TRPM3: variants seen among roughly 807,000 people sequenced by gnomAD.
The protein encoded by TRPM3 is transient receptor potential cation channel subfamily M member 3.
In TRPM3, 77 loss-of-function variants were observed where a neutral mutation model predicts 181.2. The ratio of observed to expected loss-of-function variants is 0.42; its 90% CI spans 0.35 to 0.51. The LOEUF (loss-of-function observed/expected upper bound fraction) is 0.51, where lower values mean the gene tolerates loss of function less well. Ranked by LOEUF, TRPM3 falls within the 20% of genes least tolerant of loss-of-function variation. The pLI, the probability that TRPM3 is intolerant of heterozygous loss-of-function variation, is 0.01. For synonymous variants in TRPM3, 745 were observed against 796.4 expected (o/e 0.94, Z 1.09); for missense variants, 1,759 against 2,196.7 (o/e 0.80, Z 3.98).
chr9:71,006,259 G>A (rs1392977852), intron 1 of TRPM3, among the ~76,000 whole-genome samples: 1 of 151,688 alleles, frequency 6.6e-6, no homozygotes, highest in Non-Finnish European at 1.5e-5. Flanking sequence ...TCAGAAAATG[G>A]TAAAATAGGA....
chr9:71,026,277 C>T (rs1408912151), intron 1 of TRPM3, among the ~76,000 whole-genome samples: 1 of 152,130 alleles, frequency 6.6e-6, no homozygotes, highest in Non-Finnish European at 1.5e-5. Flanking sequence ...CCTGAGCGCC[C>T]CTCCATCTGC....
intron 6 of TRPM3, among the ~76,000 whole-genome samples, chr9:70,806,978 C>T (rs1237742243): frequency 6.6e-6 from 1 of 152,160 alleles, no homozygotes; most frequent in Non-Finnish European, 1.5e-5. Context: ...AAAATCTCAG[C>T]TCACTTTTCT....
chr9:71,405,287 G>T (rs943662683), intron 1 of TRPM3, among the ~76,000 whole-genome samples: 29 of 152,244 alleles, frequency 1.9e-4, no homozygotes, highest in South Asian at 4.1e-4. Flanking sequence ...ATACAGCAAA[G>T]TGCAAAATGC....
At chr9:71,258,683 T>C (rs538081085) in intron 1 of TRPM3, among the ~76,000 whole-genome samples, 100 of 152,348 alleles carry the variant, frequency 6.6e-4, no homozygotes, top group African/African-American at 2.3e-3. Flanking sequence ...CAGTGGGTAC[T>C]ATGATCATTG....
intron 1 of TRPM3, among the ~76,000 whole-genome samples, chr9:70,942,262 T>C (rs2133570590): frequency 6.6e-6 from 1 of 152,332 alleles, no homozygotes; most frequent in East Asian, 1.9e-4. Context: ...AACAAACAGT[T>C]AGGTATGTAC....
intron 1 of TRPM3, among the ~76,000 whole-genome samples, chr9:71,211,332 C>T (rs2079486105): frequency 6.7e-6 from 1 of 150,258 alleles, no homozygotes; most frequent in Admixed American, 6.7e-5. Flanking sequence ...TTCTTTCTTT[C>T]ATTTGTTACT....
intron 1 of TRPM3, among the ~76,000 whole-genome samples, chr9:71,199,981 A>T (rs2078670354): frequency 6.6e-6 from 1 of 152,016 alleles, no homozygotes; most frequent in African/African-American, 2.4e-5. Flanking sequence ...TCAATTTTGG[A>T]TGTTTCCTGC....
rs112967274 is a variant in TRPM3, at chr9:71,152,110, G to A, written c.184-287599C>T. On this transcript the variant is annotated intron_variant, in intron 1 of 24. Coordinates refer to the TRPM3 transcript ENST00000357533. ...ATGTTATAAATAACCAGAAGTGCAC[G>A]TCCTTAATCACATATAAAACTGTGA... Among the ~76,000 whole-genome samples the A allele has an allele frequency of 2.1e-4, 32 of 152,198 alleles. 2 individuals are homozygous for A. Among genetic ancestry groups the A allele is most frequent in the South Asian group, 1.3e-3 (6 of 4,800 alleles).
chr9:70,826,382 T>G (rs1263004922), intron 6 of TRPM3: 1 of 152,230 alleles, frequency 6.6e-6, no homozygotes, highest in Non-Finnish European at 1.5e-5. Flanking sequence ...GATGTTCACC[T>G]TGGGATAATA....
chr9:71,187,650 C>T (rs1565318133), intron 1 of TRPM3, among the ~76,000 whole-genome samples: 2 of 151,898 alleles, frequency 1.3e-5, no homozygotes, highest in Non-Finnish European at 2.9e-5. Flanking sequence ...AAACTATACA[C>T]TCTTTATAAA....
At chr9:71,125,406 CT>C (rs1353566073), upstream of TRPM3, among the ~76,000 whole-genome samples, 2 of 152,058 alleles carry the variant, frequency 1.3e-5, no homozygotes, top group African/African-American at 4.8e-5. Flanking sequence ...TCCATGTGTT[CT>C]CATTGTTTAG....
chr9:71,329,859 A>T (rs2089985490), intron 1 of TRPM3, among the ~76,000 whole-genome samples: 1 of 152,210 alleles, frequency 6.6e-6, no homozygotes, highest in Non-Finnish European at 1.5e-5. Context: ...CTGCTATGTG[A>T]GAGCATCCAA....
At chr9:70,583,001 T>G (rs975486778) in intron 22 of TRPM3, among the ~76,000 whole-genome samples, 3 of 152,216 alleles carry the variant, frequency 2.0e-5, no homozygotes, top group African/African-American at 7.2e-5. Context: ...TGTGGTGGAA[T>G]AGTATGTAGA....
chr9:71,080,171 A>AAAATAAATAAATAAATAAATAAATAAAT (rs71367253), intron 1 of TRPM3, among the ~76,000 whole-genome samples: 2 of 133,196 alleles, frequency 1.5e-5, no homozygotes, highest in African/African-American at 2.9e-5. Flanking sequence ...ACTCCATCTC[A>AAAATAAATAAATAAATAAATAAATAAAT]AAATAAATAA....
At chr9:71,147,118 G>A (rs10116502) in intron 1 of TRPM3, among the ~76,000 whole-genome samples, 35,308 of 151,994 alleles carry the variant, frequency 0.23, 4,747 homozygotes, top group African/African-American at 0.37. Flanking sequence ...CCCAGCCTAG[G>A]AGCCAAGTGT....
chr9:71,200,572 A>G (rs1490562336), intron 1 of TRPM3, among the ~76,000 whole-genome samples: 1 of 152,140 alleles, frequency 6.6e-6, no homozygotes, highest in African/African-American at 2.4e-5. Flanking sequence ...TTGGGTGCAT[A>G]TATATTTAGG....
intron 21 of TRPM3, among the ~76,000 whole-genome samples, chr9:70,592,793 C>A (rs780296659): frequency 6.6e-6 from 1 of 152,032 alleles, no homozygotes; most frequent in Non-Finnish European, 1.5e-5. Flanking sequence ...TGCAGTGGAG[C>A]GATCTCGGCT....
chr9:70,977,550 G>A (rs1023530754), intron 1 of TRPM3, among the ~76,000 whole-genome samples: 7 of 152,138 alleles, frequency 4.6e-5, no homozygotes, highest in African/African-American at 1.7e-4. Context: ...AATTCCTTTC[G>A]ATTCTGACAC....
At chr9:70,603,200 G>A in intron 20 of TRPM3, 142 bp downstream of exon 20, 1 of 987,058 alleles carries the variant, frequency 1.0e-6, no homozygotes, top group Non-Finnish European at 1.5e-6. Context: ...TTTGTCAGAG[G>A]AGCAAAGAAG....
Sources: gnomAD v4.1 joint callset for allele counts (sites outside exome capture counted in the v4.1 genomes callset) on GRCh38, gnomAD v4.1.1 for gene constraint, MANE v1.5 for transcripts, NCBI Gene and HGNC (gene_info 2026-07-23, HGNC 2026-07-21) for gene names.